Variants in KCNJ6 observed in about 807,000 individuals in gnomAD.
KCNJ6 encodes the protein potassium inwardly rectifying channel subfamily J member 6.
In KCNJ6, 9 loss-of-function variants were observed where a neutral mutation model predicts 34.2. The ratio of observed to expected loss-of-function variants is 0.26; its 90% CI spans 0.16 to 0.46. KCNJ6 has a LOEUF of 0.46. Among genes scored for constraint, KCNJ6 ranks in the 20% least tolerant of loss-of-function variants. KCNJ6 has a pLI of 1.00. For synonymous variants in KCNJ6, 196 were observed against 207.1 expected, an observed-to-expected ratio of 0.95 and a Z score of 0.46; for missense variants, 236 against 531.3, an observed-to-expected ratio of 0.44 and a Z score of 5.46.
chr21:37,797,518 T>A (rs2055249214), intron 2 of KCNJ6, among the ~76,000 whole-genome samples: 1 of 152,212 alleles, frequency 6.6e-6, no homozygotes, highest in South Asian at 2.1e-4. Context: ...CGGCTGTATT[T>A]CCCTGACAGA....
Position 37,607,483 on chromosome 21 carries a change from T to TATATATATATATA in KCNJ6, c.*17675_*17676insTATATATATATAT, listed in dbSNP as rs201127739. On this transcript the variant is annotated 3_prime_UTR_variant, in exon 4 of 4. Transcript: ENST00000609713. ...TTAAAGATATATATATATATATATA[T>TATATATATATATA]TTTTTTTTTATTTTAAAAAAATTTG... 55 of 92,118 alleles carry TATATATATATATA rather than the reference T, an allele frequency of 6.0e-4. No homozygotes were observed. The highest frequency in any genetic ancestry group is 1.7e-3 in the African/African-American group (39 of 23,268). 5.7% of individuals were successfully genotyped at this position (92,118 alleles called of 1,614,324 possible). A position where few individuals can be genotyped will look rare whatever the true frequency, so the allele number is the denominator to read the frequency against.
intron 1 of KCNJ6, among the ~76,000 whole-genome samples, chr21:37,896,381 C>T (rs2836042): frequency 0.075 from 11,409 of 152,172 alleles, 449 homozygotes; most frequent in African/African-American, 0.081. Flanking sequence ...TGAAGCCCTT[C>T]GTAGGGTGCC....
intron 1 of KCNJ6, among the ~76,000 whole-genome samples, chr21:37,866,076 G>A (rs1302376283): frequency 6.6e-6 from 1 of 152,200 alleles, no homozygotes; most frequent in East Asian, 1.9e-4. Flanking sequence ...ATTAAGGGGA[G>A]GTTATCGCAG....
At chr21:37,680,606 A>G (rs1334632454) in intron 3 of KCNJ6, among the ~76,000 whole-genome samples, 1 of 152,238 alleles carries the variant, frequency 6.6e-6, no homozygotes, top group East Asian at 1.9e-4. Context: ...AGCCCTGAAC[A>G]GAACAAAAAG....
chr21:37,794,658 A>G (rs1053770936), intron 2 of KCNJ6, among the ~76,000 whole-genome samples: 4 of 152,226 alleles, frequency 2.6e-5, no homozygotes, highest in African/African-American at 9.6e-5. Flanking sequence ...ATTCTCATTC[A>G]TAAGTGGGAG....
At chr21:37,760,003 G>A (rs1156463150) in intron 2 of KCNJ6, among the ~76,000 whole-genome samples, 2 of 152,200 alleles carry the variant, frequency 1.3e-5, no homozygotes, top group African/African-American at 4.8e-5. Context: ...GCCCATGTCA[G>A]AAGGAACGAA....
At chr21:37,908,276 C>T (rs1473498323) in intron 1 of KCNJ6, among the ~76,000 whole-genome samples, 1 of 152,190 alleles carries the variant, frequency 6.6e-6, no homozygotes, top group African/African-American at 2.4e-5. Context: ...GGCATTAAAG[C>T]TGTTCTTTTG....
intron 3 of KCNJ6, among the ~76,000 whole-genome samples, chr21:37,665,320 C>G (rs1403802834): frequency 1.3e-5 from 2 of 152,200 alleles, no homozygotes; most frequent in African/African-American, 2.4e-5. Flanking sequence ...CCTGGCAAGG[C>G]AGGCCATGGT....
intron 3 of KCNJ6, among the ~76,000 whole-genome samples, chr21:37,626,323 G>A (rs188536529): frequency 6.6e-6 from 1 of 152,092 alleles, no homozygotes; most frequent in African/African-American, 2.4e-5. Flanking sequence ...TAGTAGAGAC[G>A]GAGTTTCATC....
intron 1 of KCNJ6, among the ~76,000 whole-genome samples, chr21:37,895,826 T>C (rs2055784903): frequency 6.6e-6 from 1 of 152,212 alleles, no homozygotes; most frequent in Non-Finnish European, 1.5e-5. Context: ...AGGCAAAGCC[T>C]TATTGTAAAA....
chr21:37,897,822 C>G (rs886801838), intron 1 of KCNJ6, among the ~76,000 whole-genome samples: 8 of 152,224 alleles, frequency 5.3e-5, no homozygotes, highest in Non-Finnish European at 5.9e-5. Flanking sequence ...TCTGTACCAC[C>G]TGTTAGTATA....
rs531381405 is a variant in KCNJ6 at position 37,881,168 on chromosome 21, A to G, written c.-28+34716T>C. Among the ~76,000 whole-genome samples, 4 of 152,292 alleles carry G rather than the reference A, an allele frequency of 2.6e-5. No individual in the cohort carries two copies. In the East Asian group the frequency reaches 7.7e-4, roughly 29 times the overall value. ...ATTTTCTGTATCAGGGGCTGAGCCT[A>G]GCACAAGCTGGGATGCACCCAAAGG... On this transcript the variant is annotated intron_variant, in intron 1 of 3. Coordinates refer to ENST00000609713, the MANE Select transcript of KCNJ6 (RefSeq NM_002240.5).
intron 2 of KCNJ6, among the ~76,000 whole-genome samples, chr21:37,775,444 G>T (rs560442619): frequency 0.037 from 5,667 of 152,252 alleles, 142 homozygotes; most frequent in Non-Finnish European, 0.057. Flanking sequence ...GTCCTGAATG[G>T]TATTGCCTAG....
At chr21:37,654,659 C>A (rs2054449491) in intron 3 of KCNJ6, among the ~76,000 whole-genome samples, 2 of 152,154 alleles carry the variant, frequency 1.3e-5, no homozygotes, top group Non-Finnish European at 2.9e-5. Flanking sequence ...GGTGAAGCAG[C>A]AGGCAGGGGT....
intron 3 of KCNJ6, among the ~76,000 whole-genome samples, chr21:37,676,852 G>A (rs1440825388): frequency 6.6e-6 from 1 of 152,258 alleles, no homozygotes; most frequent in East Asian, 1.9e-4. Context: ...CAATAGTGCT[G>A]AGGTTGAGGA....
In KCNJ6 at chr21:37,695,323, T is replaced by C. The variant is rs2054659238; in HGVS notation, c.946+18888A>G. Among the ~76,000 whole-genome samples the C allele has an allele frequency of 1.3e-5, 2 of 152,190 alleles. No homozygotes were observed. Among genetic ancestry groups the C allele is most frequent in the Admixed American group, 1.3e-4 (2 of 15,278 alleles). ...TCCAACTATTCTTAGTGCTGTGACA[T>C]GAAGAAATTTCCCCAGAGAGTTTGC... On this transcript the variant is annotated intron_variant, in intron 3 of 3. Transcript: ENST00000609713. The surrounding 1 kb of genome is among the most constrained non-coding windows in gnomAD (Gnocchi z 4.2).
At chr21:37,850,851 T>G (rs964114016) in intron 1 of KCNJ6, among the ~76,000 whole-genome samples, 2 of 152,180 alleles carry the variant, frequency 1.3e-5, no homozygotes, top group African/African-American at 2.4e-5. Context: ...TGCCTATAAC[T>G]TCAATTTAGA....
intron 3 of KCNJ6, among the ~76,000 whole-genome samples, chr21:37,645,834 G>A (rs142072240): frequency 0.016 from 2,400 of 152,196 alleles, 35 homozygotes; most frequent in Non-Finnish European, 0.025. Flanking sequence ...TACTATTAGA[G>A]CTGTCTCAAG....
intron 1 of KCNJ6, among the ~76,000 whole-genome samples, chr21:37,915,669 T>C (rs574701986): frequency 1.3e-4 from 20 of 152,364 alleles, no homozygotes; most frequent in East Asian, 5.8e-4. Flanking sequence ...TTTCAGTCGC[T>C]AATGAAAACC....
Sources: gnomAD v4.1 joint callset for allele counts (sites outside exome capture counted in the v4.1 genomes callset) on GRCh38, gnomAD v4.1.1 for gene constraint, Gnocchi (gnomAD v3.1) non-coding constraint, MANE v1.5 for transcripts, NCBI Gene and HGNC (gene_info 2026-07-23, HGNC 2026-07-21) for gene names.